Variants in MDGA2 observed in about 807,000 individuals in gnomAD.
MDGA2 encodes the protein MAM domain-containing glycosylphosphatidylinositol anchor protein 2.
Under a neutral mutation model 117.8 loss-of-function variants are expected in MDGA2, and 40 were observed. The ratio of observed to expected loss-of-function variants is 0.34; its 90% confidence interval spans 0.26 to 0.44. The LOEUF (loss-of-function observed/expected upper bound fraction) is 0.44. Ranked by LOEUF, MDGA2 falls within the 20% of genes least tolerant of loss-of-function variation. The pLI is 1.00. For synonymous variants in MDGA2, 452 were observed against 439.0 expected (o/e 1.03, Z -0.37); for missense variants, 1,123 against 1,250.6 (o/e 0.90, Z 1.54).
intron 1 of MDGA2, among the ~76,000 whole-genome samples, chr14:47,520,851 A>G (rs963207787): frequency 2.0e-5 from 3 of 152,212 alleles, no homozygotes; most frequent in Non-Finnish European, 4.4e-5. Flanking sequence ...AGATAAATTC[A>G]GATTTAAACT....
At chr14:47,090,642 TTG>T (rs1879598853) in intron 6 of MDGA2, among the ~76,000 whole-genome samples, 1 of 152,184 alleles carries the variant, frequency 6.6e-6, no homozygotes, top group African/African-American at 2.4e-5. Context: ...GTGGGCCAGA[TTG>T]TGTCACTGCA....
At chr14:47,310,964 C>T (rs1889614849) in intron 1 of MDGA2, among the ~76,000 whole-genome samples, 1 of 152,078 alleles carries the variant, frequency 6.6e-6, no homozygotes, top group South Asian at 2.1e-4. Context: ...TGTGAAATGG[C>T]ATCCTGTTAA....
At chr14:47,006,416 AATTAT>A (rs149432108) in intron 8 of MDGA2, among the ~76,000 whole-genome samples, 21,232 of 145,694 alleles carry the variant, frequency 0.15, 1,653 homozygotes, top group South Asian at 0.28. Context: ...TTATATTTAT[AATTAT>A]ATTATATGTA....
chr14:47,234,445 A>T (rs1474397371), intron 2 of MDGA2, among the ~76,000 whole-genome samples: 1 of 152,108 alleles, frequency 6.6e-6, no homozygotes, highest in Non-Finnish European at 1.5e-5. Context: ...CCTTAAGTAA[A>T]GGAAATGATA....
At chr14:47,401,994 A>G (rs930467877) in intron 1 of MDGA2, among the ~76,000 whole-genome samples, 1 of 152,226 alleles carries the variant, frequency 6.6e-6, no homozygotes, top group African/African-American at 2.4e-5. Flanking sequence ...GTATGAAAAT[A>G]CAATTCCATT....
At chr14:47,609,465 A>ATACATATATATATATAT in intron 1 of MDGA2, among the ~76,000 whole-genome samples, 1 of 107,382 alleles carries the variant, frequency 9.3e-6, no homozygotes, top group Non-Finnish European at 1.9e-5. Flanking sequence ...ATATATATAT[A>ATACATATATATATATAT]AGTTTCTTTA....
intron 10 of MDGA2, among the ~76,000 whole-genome samples, chr14:46,900,228 A>G (rs1883232465): frequency 6.6e-6 from 1 of 152,186 alleles, no homozygotes; most frequent in South Asian, 2.1e-4. Flanking sequence ...ATAAACATAT[A>G]CAGAAAGTGG....
At chr14:47,426,355 A>T (rs1017637159) in intron 1 of MDGA2, among the ~76,000 whole-genome samples, 3 of 151,688 alleles carry the variant, frequency 2.0e-5, no homozygotes, top group Non-Finnish European at 4.4e-5. Flanking sequence ...GGTCATTGGG[A>T]TCTCTTTCAG....
chr14:46,893,533 CATAAG>C (rs1404370662), intron 10 of MDGA2, among the ~76,000 whole-genome samples: 2 of 150,990 alleles, frequency 1.3e-5, no homozygotes, highest in African/African-American at 2.5e-5. Context: ...TATTGACAAA[CATAAG>C]AGAACTATAT....
intron 5 of MDGA2, among the ~76,000 whole-genome samples, 190 bp from the exon 6 acceptor site, chr14:47,097,313 T>C (rs1880033297): frequency 6.6e-6 from 1 of 152,094 alleles, no homozygotes; most frequent in African/African-American, 2.4e-5. Flanking sequence ...GGTATAAACA[T>C]GTAGAACTGT....
chr14:47,607,887 G>A lies in MDGA2; in HGVS notation c.280+66630C>T, dbSNP rs564615972. ...GAAATGGCCTAATCCAGCCCCACAG[G>A]AAAAGTGTTCATAATATGATAAAAG... On this transcript the variant is annotated intron_variant, in intron 1 of 16. Transcript: ENST00000399232. Among the ~76,000 whole-genome samples the A allele has an allele frequency of 2.0e-5, 3 of 152,148 alleles. No individual in the cohort carries two copies. The South Asian group carries it at 6.2e-4, about 31-fold the overall frequency.
intron 10 of MDGA2, among the ~76,000 whole-genome samples, chr14:46,913,336 A>G (rs1883777133): frequency 6.6e-6 from 1 of 152,170 alleles, no homozygotes; most frequent in African/African-American, 2.4e-5. Context: ...ATGATTTAAG[A>G]TTATACAAAG....
intron 8 of MDGA2, among the ~76,000 whole-genome samples, chr14:47,025,831 C>T (rs1380406426): frequency 6.6e-6 from 1 of 152,090 alleles, no homozygotes; most frequent in East Asian, 1.9e-4. Flanking sequence ...ATTCATTTTC[C>T]TCCACTGATT....
chr14:47,296,642 G>A (rs771842325), intron 2 of MDGA2, among the ~76,000 whole-genome samples: 5 of 152,132 alleles, frequency 3.3e-5, no homozygotes, highest in South Asian at 2.1e-4. Flanking sequence ...ATACACTGCC[G>A]TTGAGAAAGC....
chr14:47,070,459 C>T (rs7159021), intron 6 of MDGA2, among the ~76,000 whole-genome samples: 49,679 of 152,056 alleles, frequency 0.33, 8,670 homozygotes, highest in East Asian at 0.52. Context: ...GTTCCTGAGA[C>T]ATTGCCCCTA....
chr14:46,960,758 A>G (rs1356639488), intron 8 of MDGA2, among the ~76,000 whole-genome samples: 3 of 146,130 alleles, frequency 2.1e-5, no homozygotes, highest in South Asian at 2.1e-4. Flanking sequence ...ATATGCACAC[A>G]TATGTAGAAT....
chr14:46,840,158 A>C lies in MDGA2; in HGVS notation c.*1773T>G, dbSNP rs1880549006. On this transcript the variant is annotated 3_prime_UTR_variant, in exon 17 of 17. Coordinates refer to ENST00000399232, the MANE Select transcript of MDGA2 (RefSeq NM_001113498.3). The stretch of plus-strand genomic sequence containing the variant: ...ATTATATTTTAAGTTGAATTACTGA[A>C]TTTGCACAAACATTTCTACAGAATT... 1 of 152,468 alleles carries C rather than the reference A, an allele frequency of 6.6e-6. No homozygotes were observed. The highest frequency in any genetic ancestry group is 6.6e-5 in the Admixed American group (1 of 15,228). 9.4% of individuals were successfully genotyped at this position (152,468 alleles called of 1,614,324 possible). A position where few individuals can be genotyped will look rare whatever the true frequency, so the allele number is the denominator to read the frequency against.
intron 6 of MDGA2, among the ~76,000 whole-genome samples, chr14:47,080,440 T>C (rs143348814): frequency 2.0e-4 from 31 of 152,288 alleles, no homozygotes; most frequent in African/African-American, 5.5e-4. Context: ...ATATATGAGT[T>C]AGTTTTAAAT....
At chr14:47,133,423 G>A (rs1882306118) in intron 4 of MDGA2, among the ~76,000 whole-genome samples, 1 of 151,882 alleles carries the variant, frequency 6.6e-6, no homozygotes, top group South Asian at 2.1e-4. Context: ...CACACGTATT[G>A]CTCAAATTTC....
Sources: gnomAD v4.1 joint callset for allele counts (sites outside exome capture counted in the v4.1 genomes callset) on GRCh38, gnomAD v4.1.1 for gene constraint, MANE v1.5 for transcripts, NCBI Gene and HGNC (gene_info 2026-07-23, HGNC 2026-07-21) for gene names.